Variants in CEP95 observed in about 807,000 individuals in gnomAD.
CEP95 encodes the protein centrosomal protein 95, also known as centrosomal protein of 95 kDa.
In CEP95, 98 loss-of-function variants were observed where a neutral mutation model predicts 111.2. The observed-to-expected ratio is 0.88, with a 90% CI of 0.75 to 1.04. CEP95 has a LOEUF of 1.04. Among genes scored for constraint, CEP95 ranks in the 50% least tolerant of loss-of-function variants. CEP95 has a pLI of 0.00. For missense variants in CEP95, 1,027 were observed against 977.2 expected (o/e 1.05, Z -0.68); for synonymous variants, 323 against 327.1 (o/e 0.99, Z 0.14).
chr17:64,511,622 G>A (rs141575794), intron 3 of CEP95, among the ~76,000 whole-genome samples: 1 of 152,082 alleles, frequency 6.6e-6, no homozygotes, highest in Non-Finnish European at 1.5e-5. Flanking sequence ...CTACAATTTT[G>A]TGCAGTTAAC....
At chr17:64,532,635 C>T in intron 14 of CEP95, 6 of 1,375,222 alleles carry the variant, frequency 4.4e-6, no homozygotes. Flanking sequence ...GGCATCAATC[C>T]AGAACTATTG....
intron 3 of CEP95, among the ~76,000 whole-genome samples, 155 bp downstream of exon 3, chr17:64,510,435 A>G (rs1555674604): frequency 1.3e-5 from 2 of 152,260 alleles, no homozygotes; most frequent in Non-Finnish European, 2.9e-5. Flanking sequence ...GGTCAGGTCC[A>G]TACATGAGAA....
rs1598238492 is a variant in CEP95, at chr17:64,530,445, T to C, written c.1447-481T>C. ...GTCTGAAAGGAATTTTTTTAAAAAG[T>C]GAATGAGCTTGATATTTTAGGGGTG... On this transcript the variant is annotated intron_variant, in intron 12 of 19. Coordinates refer to ENST00000556440, the MANE Select transcript of CEP95 (RefSeq NM_138363.3). 2.6e-5 allele frequency among the ~76,000 whole-genome samples: 4 copies of C among 151,586 alleles called. 1 individual carries two copies. The highest frequency in any genetic ancestry group is 1.5e-5 in the Non-Finnish European group (1 of 67,924).
chr17:64,528,488 C>T lies in CEP95; in HGVS notation c.1307-800C>T, dbSNP rs1047287621. 4.6e-5 allele frequency among the ~76,000 whole-genome samples: 7 copies of T among 152,042 alleles called. 1 individual carries two copies. The South Asian group carries it at 1.2e-3, about 27-fold the overall frequency. On this transcript the variant is annotated intron_variant, in intron 11 of 19. Transcript: ENST00000556440. ...ATAAATTAAAATATTATTTCAAGTG[C>T]GTCTTCAGTTTCTAGAGAAAAATAC...
rs369037009 is a variant in CEP95 at position 64,533,169 on chromosome 17, A to G, written c.1895A>G (p.Glu632Gly). The G allele has an allele frequency of 8.8e-6, 14 of 1,588,820 alleles. No homozygotes were observed. Among genetic ancestry groups the G allele is most frequent in the Non-Finnish European group, 9.4e-6 (11 of 1,173,822 alleles). The stretch of plus-strand genomic sequence containing the variant: ...CTCCTTACTACCCTTGTCAAGAAAG[A>G]ATATGAACATAACAAGAGACTGGTA... ...HDLLTTLVKK[E>G]YEHNKRLQDF... Residue 632 changes from glutamate (E) to glycine (G), a missense_variant, in exon 16 of 20, where the codon GAA (glutamate) becomes GGA (glycine). Transcript: ENST00000556440.
At chr17:64,533,437 T>C (rs1362827275) in intron 16 of CEP95, among the ~76,000 whole-genome samples, 1 of 151,964 alleles carries the variant, frequency 6.6e-6, no homozygotes, top group Non-Finnish European at 1.5e-5. Flanking sequence ...ATTAAAAATA[T>C]ATATATGGGT....
intron 1 of CEP95, chr17:64,508,076 C>T (rs782373588): frequency 4.1e-6 from 4 of 985,340 alleles, no homozygotes; most frequent in Non-Finnish European, 4.8e-6. Flanking sequence ...TGTTATTATA[C>T]CAGTTCTTAA....
At chr17:64,507,370 T>A (rs1555673292) in intron 1 of CEP95, 1 of 1,407,610 alleles carries the variant, frequency 7.1e-7, no homozygotes, top group Admixed American at 3.1e-5. Flanking sequence ...GGGTCCTGGC[T>A]GTAAAAAGAG....
chr17:64,507,804 G>A, intron 1 of CEP95: 2 of 985,442 alleles, frequency 2.0e-6, no homozygotes, highest in East Asian at 1.1e-4. Flanking sequence ...TAGTGGAGAT[G>A]TTTGTTTCTA....
chr17:64,522,952 G>C (rs558711488), intron 8 of CEP95, 57 bp downstream of exon 8: 56 of 1,343,658 alleles, frequency 4.2e-5, no homozygotes, highest in Non-Finnish European at 5.4e-5. Context: ...GTATGTCTGT[G>C]TGTGTGTTGG....
At chr17:64,529,562 G>A (rs1968115135) in intron 12 of CEP95, 135 bp downstream of exon 12, 6 of 862,400 alleles carry the variant, frequency 7.0e-6, no homozygotes, top group Non-Finnish European at 1.1e-5. Flanking sequence ...ATGATAGAGA[G>A]CTATGTGACA....
At chr17:64,514,113 C>A (rs1310187938) in intron 3 of CEP95, 135 bp from the exon 4 acceptor site, 3 of 452,664 alleles carry the variant, frequency 6.6e-6, no homozygotes, top group Non-Finnish European at 1.2e-5. Flanking sequence ...ATTTAATCTC[C>A]AAGGAGCTGT....
chr17:64,526,560 T>A (rs1196908535), intron 10 of CEP95, among the ~76,000 whole-genome samples: 1 of 152,218 alleles, frequency 6.6e-6, no homozygotes, highest in African/African-American at 2.4e-5. Flanking sequence ...AAATACAATA[T>A]TACAGTTTTA....
At chr17:64,531,082 A>G (rs112596129) in intron 13 of CEP95, 64 bp downstream of exon 13, 10 of 956,854 alleles carry the variant, frequency 1.0e-5, no homozygotes, top group Admixed American at 2.9e-5. Context: ...TACAAAGATG[A>G]TCTTTTTAAA....
At chr17:64,508,888 A>G (rs1371378469) in intron 2 of CEP95, among the ~76,000 whole-genome samples, 168 bp downstream of exon 2, 3 of 150,958 alleles carry the variant, frequency 2.0e-5, no homozygotes, top group Non-Finnish European at 4.4e-5. Flanking sequence ...TAAAATAAAT[A>G]TTGTATATTA....
chr17:64,522,626 G>A, intron 7 of CEP95, 76 bp from the exon 8 acceptor site: 1 of 879,156 alleles, frequency 1.1e-6, no homozygotes, highest in Admixed American at 2.5e-5. Context: ...TGTTTATATA[G>A]GTATGTATGT....
Position 64,522,830 on chromosome 17 carries a change from T to C in CEP95, c.844T>C (p.Tyr282His). The change falls in exon 8 of 20, where the codon TAC becomes CAC. Residue 282 changes from tyrosine to histidine, a missense_variant. By Grantham distance (83) the Tyr-to-His change is moderately conservative. Transcript: ENST00000556440. ...PRAPCPIGKE[Y>H]LHSSHCSPAV... ...AGCACCCTGCCCCATAGGAAAAGAA[T>C]ACTTGCATTCAAGTCACTGCTCCCC... is the stretch of plus-strand genomic sequence containing the variant. 5 of 1,613,774 alleles carry C rather than the reference T, an allele frequency of 3.1e-6. No homozygotes were observed. Among genetic ancestry groups the C allele is most frequent in the Non-Finnish European group, 4.2e-6 (5 of 1,179,842 alleles).
chr17:64,526,075 G>T lies in CEP95; in HGVS notation c.1027G>T (p.Glu343Ter). ...AAATGGTCACTTTTATTACAGAAATGAAAACAGAGCTACAGCCTCATCCTG... is the reference window on the plus strand; with the variant it reads ...AAATGGTCACTTTTATTACAGAAATTAAAACAGAGCTACAGCCTCATCCTG... ...TRKPPKGKRN[E>*]NRATASSCNS... is the part of the protein sequence containing the mutation. The change falls in exon 10 of 20, where the codon GAA becomes TAA. Residue 343 changes from glutamate to a stop codon, truncating the protein, a stop_gained. Transcript: ENST00000556440. LOFTEE classifies it high-confidence loss of function. The T allele has an allele frequency of 1.2e-6, 2 of 1,611,152 alleles. No homozygotes were observed. The highest frequency in any genetic ancestry group is 1.7e-6 in the Non-Finnish European group (2 of 1,179,056).
chr17:64,537,333 CAT>C, intron 19 of CEP95: 2 of 1,405,596 alleles, frequency 1.4e-6, no homozygotes, highest in East Asian at 5.2e-5. Flanking sequence ...TTAAGTGACA[CAT>C]GACTAATTTA....
Sources: allele counts gnomAD v4.1 joint callset (sites outside exome capture counted in the v4.1 genomes callset), GRCh38; gene constraint gnomAD v4.1.1; transcripts MANE v1.5; gene names NCBI Gene and HGNC (gene_info 2026-07-23, HGNC 2026-07-21).